SPMAP2L: variants seen among roughly 807,000 people sequenced by gnomAD.
SPMAP2L encodes the protein sperm microtubule associated protein 2-like.
the SPMAP2L span, among the ~76,000 whole-genome samples, chr4:56,537,007 G>A: frequency 1.3e-5 from 2 of 151,988 alleles, no homozygotes; most frequent in African/African-American, 4.8e-5. Context: ...TAGGTGATCC[G>A]CTCACCTCAG....
At chr4:56,538,771 C>T in the SPMAP2L span, among the ~76,000 whole-genome samples, 1 of 152,162 alleles carries the variant, frequency 6.6e-6, no homozygotes, top group Non-Finnish European at 1.5e-5. Context: ...CCACTGCACT[C>T]CAGCCTGGGC....
At chr4:56,537,278 C>G in the SPMAP2L span, among the ~76,000 whole-genome samples, 1 of 152,144 alleles carries the variant, frequency 6.6e-6, no homozygotes, top group East Asian at 1.9e-4. Context: ...ACTTTTACCC[C>G]TAGGTGGTCA....
chr4:56,614,579 A>G, the SPMAP2L span, among the ~76,000 whole-genome samples: 1 of 152,076 alleles, frequency 6.6e-6, no homozygotes, highest in African/African-American at 2.4e-5. Flanking sequence ...GCTTGAACCC[A>G]GGAGGCAGAG....
the SPMAP2L span, among the ~76,000 whole-genome samples, chr4:56,549,216 T>C: frequency 2.0e-5 from 3 of 152,158 alleles, no homozygotes; most frequent in African/African-American, 7.2e-5. Flanking sequence ...CTCGATCTCC[T>C]GACCTCGTGA....
the SPMAP2L span, chr4:56,592,870 G>A: frequency 6.8e-6 from 11 of 1,609,660 alleles, no homozygotes; most frequent in Non-Finnish European, 1.7e-6. Context: ...TCGGCCCTGG[G>A]GACAAAGACC....
chr4:56,580,871 A>T, the SPMAP2L span, among the ~76,000 whole-genome samples: 4 of 152,150 alleles, frequency 2.6e-5, no homozygotes, highest in Admixed American at 1.3e-4. Flanking sequence ...AAGAAAACCA[A>T]TTTTGCAGTA....
the SPMAP2L span, chr4:56,603,294 T>G: frequency 6.5e-7 from 1 of 1,534,500 alleles, no homozygotes; most frequent in Non-Finnish European, 8.7e-7. Context: ...TCAAAGGATC[T>G]GGGAGTTGTC....
the SPMAP2L span, among the ~76,000 whole-genome samples, chr4:56,607,589 G>A: frequency 6.6e-6 from 1 of 152,180 alleles, no homozygotes; most frequent in African/African-American, 2.4e-5. Context: ...TGCCATGAAT[G>A]GAGCATTAAG....
At chr4:56,562,786 C>CTTTTT in the SPMAP2L span, among the ~76,000 whole-genome samples, 5,200 of 145,074 alleles carry the variant, frequency 0.036, 181 homozygotes, top group African/African-American at 0.082. Flanking sequence ...TTTTCTTCGT[C>CTTTTT]TTTTTTTTTA....
the SPMAP2L span, among the ~76,000 whole-genome samples, chr4:56,618,425 A>C: frequency 1.3e-5 from 2 of 152,206 alleles, no homozygotes; most frequent in Non-Finnish European, 2.9e-5. Flanking sequence ...AAGACTGAAT[A>C]ATTTATGAAG....
chr4:56,587,257 C>T, the SPMAP2L span, among the ~76,000 whole-genome samples: 1 of 144,656 alleles, frequency 6.9e-6, no homozygotes, highest in Non-Finnish European at 1.5e-5. Context: ...ATCCATTCTT[C>T]CTTGGTCCAT....
chr4:56,542,983 AC>A, the SPMAP2L span, among the ~76,000 whole-genome samples: 6 of 152,122 alleles, frequency 3.9e-5, no homozygotes, highest in African/African-American at 7.2e-5. Context: ...AGCCATCAGA[AC>A]CCATTCATGT....
the SPMAP2L span, among the ~76,000 whole-genome samples, chr4:56,604,886 G>A: frequency 5.9e-5 from 9 of 152,174 alleles, no homozygotes; most frequent in Non-Finnish European, 1.3e-4. Context: ...ATTATTCTAA[G>A]TGAAGTAACT....
chr4:56,596,660 A>G, the SPMAP2L span: 5 of 1,486,670 alleles, frequency 3.4e-6, no homozygotes, highest in East Asian at 2.5e-5. Flanking sequence ...GGTATCCTTC[A>G]GCTCACTTTT....
chr4:56,548,524 A>G, the SPMAP2L span, among the ~76,000 whole-genome samples: 1 of 152,102 alleles, frequency 6.6e-6, no homozygotes, highest in African/African-American at 2.4e-5. Context: ...ATTGTCCTTT[A>G]TATCTTTTGC....
At chr4:56,586,257 G>A in the SPMAP2L span, among the ~76,000 whole-genome samples, 4 of 152,130 alleles carry the variant, frequency 2.6e-5, no homozygotes, top group Non-Finnish European at 4.4e-5. Context: ...TGAAGCCTGG[G>A]AAGTCCAAGA....
At chr4:56,570,304 A>G in the SPMAP2L span, among the ~76,000 whole-genome samples, 1 of 152,172 alleles carries the variant, frequency 6.6e-6, no homozygotes, top group Non-Finnish European at 1.5e-5. Flanking sequence ...GCGTTACTTA[A>G]TGACAGGGCT....
chr4:56,583,092 G>A, the SPMAP2L span, among the ~76,000 whole-genome samples: 1 of 152,022 alleles, frequency 6.6e-6, no homozygotes, highest in African/African-American at 2.4e-5. Flanking sequence ...GGCCAACATG[G>A]TGAAACCCCA....
At chr4:56,543,276 A>G in the SPMAP2L span, among the ~76,000 whole-genome samples, 141 of 152,084 alleles carry the variant, frequency 9.3e-4, no homozygotes, top group African/African-American at 3.1e-3. Flanking sequence ...GTAGAGACGG[A>G]GTTTCACCGT....
Sources: gnomAD v4.1 joint callset for allele counts (sites outside exome capture counted in the v4.1 genomes callset) on GRCh38, gnomAD v4.1.1 for gene constraint, MANE v1.5 for transcripts, NCBI Gene and HGNC (gene_info 2026-07-23, HGNC 2026-07-21) for gene names.